The following AFTPH variants were observed in gnomAD, a reference collection of about 807,000 sequenced individuals.
AFTPH encodes the protein aftiphilin, also known as aftiphilin protein.
A neutral mutation model predicts 72.5 loss-of-function variants in AFTPH; 7 were observed. The ratio of observed to expected loss-of-function variants is 0.10; its 90% CI spans 0.05 to 0.18. The LOEUF (loss-of-function observed/expected upper bound fraction) is 0.18. Ranked by LOEUF, AFTPH falls within the 10% of genes least tolerant of loss-of-function variation. AFTPH has a pLI of 1.00. For synonymous variants in AFTPH, 337 were observed against 370.1 expected, an observed-to-expected ratio of 0.91 and a Z score of 1.03; for missense variants, 979 against 1,060.5, an observed-to-expected ratio of 0.92 and a Z score of 1.07.
chr2:64,548,443 A>G (rs914882908), intron 1 of AFTPH, among the ~76,000 whole-genome samples: 13 of 142,060 alleles, frequency 9.2e-5, no homozygotes, highest in Non-Finnish European at 1.7e-4. Flanking sequence ...AAACTTTAGA[A>G]AAAGGAATCC....
At chr2:64,570,926 C>G (rs1672384211) in intron 5 of AFTPH, among the ~76,000 whole-genome samples, 2 of 120,010 alleles carry the variant, frequency 1.7e-5, no homozygotes, top group East Asian at 2.5e-4. Context: ...CCCCCCCCCC[C>G]CCACCTTTTT....
At chr2:64,562,666 A>G (rs951889136) in intron 2 of AFTPH, among the ~76,000 whole-genome samples, 2 of 152,198 alleles carry the variant, frequency 1.3e-5, no homozygotes, top group Admixed American at 1.3e-4. Flanking sequence ...AACTTAAATG[A>G]GCTAAACTTT....
chr2:64,552,878 T>C, exon 2 of AFTPH: 1 of 1,614,222 alleles, frequency 6.2e-7, no homozygotes, highest in Non-Finnish European at 8.5e-7. Context: ...CAGAGCACTT[T>C]CCACATTTTA....
chr2:64,575,800 A>G (rs1672743531), intron 6 of AFTPH, among the ~76,000 whole-genome samples: 1 of 149,026 alleles, frequency 6.7e-6, no homozygotes, highest in Non-Finnish European at 1.5e-5. Flanking sequence ...GTGCAGTGGC[A>G]TGGTTTCAGC....
chr2:64,581,418 C>G, intron 7 of AFTPH, 145 bp downstream of exon 8: 2 of 644,774 alleles, frequency 3.1e-6, no homozygotes, highest in Non-Finnish European at 4.8e-6. Flanking sequence ...TTGTTATTTT[C>G]TAGTATCTGA....
intron 1 of AFTPH, 44 bp from the exon 2 acceptor site, chr2:64,551,399 A>G (rs761661058): frequency 1.8e-5 from 25 of 1,425,546 alleles, no homozygotes; most frequent in East Asian, 1.1e-4. Flanking sequence ...ATCTTGTTCT[A>G]TGTAATCTGT....
intron 1 of AFTPH, among the ~76,000 whole-genome samples, chr2:64,548,748 A>G (rs905007084): frequency 6.6e-6 from 1 of 152,198 alleles, no homozygotes; most frequent in Admixed American, 6.5e-5. Context: ...AGAAGGGGTT[A>G]TCAGGACACT....
chr2:64,546,764 G>A (rs1052886703), intron 1 of AFTPH, among the ~76,000 whole-genome samples: 1 of 152,000 alleles, frequency 6.6e-6, no homozygotes, highest in Admixed American at 6.6e-5. Context: ...GCTGGGCATG[G>A]TGGCTCACGC....
chr2:64,547,907 T>G (rs6747308), intron 1 of AFTPH, among the ~76,000 whole-genome samples: 7,819 of 152,008 alleles, frequency 0.051, 476 homozygotes, highest in African/African-American at 0.14. Context: ...CACCTTAGCC[T>G]CCCAAGTAGC....
At chr2:64,589,660 A>G (rs1432070275) in intron 8 of AFTPH, among the ~76,000 whole-genome samples, 1 of 152,174 alleles carries the variant, frequency 6.6e-6, no homozygotes, top group Non-Finnish European at 1.5e-5. Context: ...AAACCCTAGA[A>G]TAATCTTTAC....
intron 2 of AFTPH, among the ~76,000 whole-genome samples, chr2:64,559,389 C>T (rs948649988): frequency 3.3e-5 from 5 of 151,978 alleles, no homozygotes; most frequent in Non-Finnish European, 7.4e-5. Flanking sequence ...AGCTGGAGAC[C>T]CAAGAGCTGA....
intron 1 of AFTPH, among the ~76,000 whole-genome samples, chr2:64,540,579 C>T (rs1369367690): frequency 6.6e-6 from 1 of 152,118 alleles, no homozygotes; most frequent in Non-Finnish European, 1.5e-5. Context: ...TCAAATAACT[C>T]ATTGCTGTTT....
intron 2 of AFTPH, among the ~76,000 whole-genome samples, chr2:64,556,576 T>C (rs1671389285): frequency 6.6e-6 from 1 of 152,218 alleles, no homozygotes. Flanking sequence ...CTTCCACTTT[T>C]CACTATTTGG....
At chr2:64,584,931 C>T (rs752458488) in intron 7 of AFTPH, among the ~76,000 whole-genome samples, 3 of 152,092 alleles carry the variant, frequency 2.0e-5, no homozygotes, top group Non-Finnish European at 4.4e-5. Context: ...GATCATTTAC[C>T]ATGTTTGAGA....
At chr2:64,544,311 G>C (rs542829804) in intron 1 of AFTPH, among the ~76,000 whole-genome samples, 5 of 152,266 alleles carry the variant, frequency 3.3e-5, no homozygotes, top group African/African-American at 1.2e-4. Context: ...CCTGTCAACT[G>C]TTTTTGTATA....
chr2:64,542,730 CT>C (rs1670332211), intron 1 of AFTPH, among the ~76,000 whole-genome samples: 1 of 151,532 alleles, frequency 6.6e-6, no homozygotes, highest in South Asian at 2.1e-4. Flanking sequence ...CTTCATGTAT[CT>C]TTAGTGTGGT....
At chr2:64,573,320 T>TA (rs1027293163) in intron 6 of AFTPH, among the ~76,000 whole-genome samples, 1 of 152,046 alleles carries the variant, frequency 6.6e-6, no homozygotes, top group Non-Finnish European at 1.5e-5. Flanking sequence ...ATCCAGGCCT[T>TA]AGTCTCTTTA....
intron 3 of AFTPH, 25 bp from the exon 4 acceptor site, chr2:64,569,067 G>C (rs181627667): frequency 1.1e-5 from 17 of 1,611,324 alleles, no homozygotes; most frequent in Admixed American, 8.3e-5. Flanking sequence ...ACCTGTTGTT[G>C]ATGGCTTCAT....
At chr2:64,550,478 A>G (rs1177298399) in intron 1 of AFTPH, among the ~76,000 whole-genome samples, 1 of 152,210 alleles carries the variant, frequency 6.6e-6, no homozygotes, top group Non-Finnish European at 1.5e-5. Flanking sequence ...GTATTGTGTG[A>G]TTCTATTTAT....
Sources: gnomAD v4.1 joint callset for allele counts (sites outside exome capture counted in the v4.1 genomes callset) on GRCh38, gnomAD v4.1.1 for gene constraint, MANE v1.5 for transcripts, NCBI Gene and HGNC (gene_info 2026-07-23, HGNC 2026-07-21) for gene names.